Variants in FGF12 observed in about 807,000 individuals in gnomAD.
FGF12 encodes fibroblast growth factor 12B.
A neutral mutation model predicts 23.6 loss-of-function variants in FGF12; 14 were observed. The observed-to-expected ratio is 0.59, with a 90% CI of 0.39 to 0.93. The LOEUF (loss-of-function observed/expected upper bound fraction) is 0.93. FGF12 is among the 40% of genes least tolerant of loss of function. The pLI is 0.00. For synonymous variants in FGF12, 62 were observed against 77.3 expected (o/e 0.80, Z 1.04); for missense variants, 175 against 217.8 (o/e 0.80, Z 1.24).
chr3:192,334,862 T>A (rs946515109), intron 4 of FGF12, among the ~76,000 whole-genome samples: 2 of 152,154 alleles, frequency 1.3e-5, no homozygotes, highest in African/African-American at 4.8e-5. Context: ...ATATTGCCTT[T>A]AAATTAAAGT....
chr3:192,692,843 G>A (rs764916945), intron 2 of FGF12, among the ~76,000 whole-genome samples: 5 of 151,906 alleles, frequency 3.3e-5, no homozygotes, highest in Non-Finnish European at 7.4e-5. Flanking sequence ...AGCCATTTAT[G>A]AATAGTCTAC....
chr3:192,265,112 T>C (rs1712999106), intron 4 of FGF12: 1 of 152,184 alleles, frequency 6.6e-6, no homozygotes, highest in African/African-American at 2.4e-5. Context: ...CCTTGCTGTG[T>C]AAAGATTGAC....
chr3:192,557,300 C>A (rs1326263105), intron 2 of FGF12, among the ~76,000 whole-genome samples: 2 of 149,946 alleles, frequency 1.3e-5, no homozygotes, highest in African/African-American at 2.4e-5. Flanking sequence ...AAACCTTTAG[C>A]CAGAGTATGA....
chr3:192,559,921 T>A (rs1711941925), intron 2 of FGF12, among the ~76,000 whole-genome samples: 1 of 152,108 alleles, frequency 6.6e-6, no homozygotes, highest in African/African-American at 2.4e-5. Context: ...TATAGGACAC[T>A]ACTGCAACAA....
At chr3:192,517,799 G>C (rs1262385826) in intron 2 of FGF12, among the ~76,000 whole-genome samples, 1 of 152,000 alleles carries the variant, frequency 6.6e-6, no homozygotes, top group African/African-American at 2.4e-5. Context: ...TTTAAAAAAG[G>C]CTCTTACACT....
chr3:192,711,259 G>C (rs145402919), intron 2 of FGF12, among the ~76,000 whole-genome samples: 1 of 145,506 alleles, frequency 6.9e-6, no homozygotes, highest in Non-Finnish European at 1.5e-5. Context: ...GCCCCTGCCC[G>C]GCCAGCCGCC....
At chr3:192,364,922 T>A (rs985483777) in intron 2 of FGF12, among the ~76,000 whole-genome samples, 1 of 152,070 alleles carries the variant, frequency 6.6e-6, no homozygotes, top group African/African-American at 2.4e-5. Flanking sequence ...GCTAATATCA[T>A]CAATTATAAA....
chr3:192,292,702 A>G (rs1055351847), intron 4 of FGF12, among the ~76,000 whole-genome samples: 2 of 152,118 alleles, frequency 1.3e-5, no homozygotes, highest in Non-Finnish European at 2.9e-5. Flanking sequence ...CTCACTTTCT[A>G]TCTAAAACAT....
chr3:192,164,255 A>T (rs1416153560), intron 5 of FGF12, among the ~76,000 whole-genome samples: 1 of 152,214 alleles, frequency 6.6e-6, no homozygotes, highest in Admixed American at 6.5e-5. Flanking sequence ...CAATACTCTG[A>T]AAGGGCAGAA....
intron 2 of FGF12, among the ~76,000 whole-genome samples, chr3:192,709,941 G>A (rs1480752858): frequency 6.6e-6 from 1 of 152,208 alleles, no homozygotes; most frequent in East Asian, 1.9e-4. Context: ...ATGGCAATAT[G>A]CATGGCTCAG....
chr3:192,591,131 C>T (rs3913647), intron 2 of FGF12, among the ~76,000 whole-genome samples: 23,466 of 151,076 alleles, frequency 0.16, 2,620 homozygotes, highest in East Asian at 0.45. Context: ...GTGAAGAAGG[C>T]GGTATCTATG....
intron 2 of FGF12, among the ~76,000 whole-genome samples, chr3:192,598,564 A>G (rs749370353): frequency 4.0e-4 from 61 of 152,208 alleles, no homozygotes; most frequent in Non-Finnish European, 7.8e-4. Context: ...AGTGTTTCTC[A>G]AACACACATA....
At chr3:192,188,100 T>G (rs527710039) in intron 4 of FGF12, among the ~76,000 whole-genome samples, 1 of 152,318 alleles carries the variant, frequency 6.6e-6, no homozygotes, top group South Asian at 2.1e-4. Context: ...ATCAATGTAT[T>G]ATTTTATTAA....
At chr3:192,366,340 A>G (rs1221357524) in intron 2 of FGF12, among the ~76,000 whole-genome samples, 1 of 152,164 alleles carries the variant, frequency 6.6e-6, no homozygotes, top group East Asian at 1.9e-4. Flanking sequence ...ATATACCCAA[A>G]CTTTAGAGAA....
At chr3:192,597,965 C>T (rs1015286059) in intron 2 of FGF12, among the ~76,000 whole-genome samples, 5 of 152,224 alleles carry the variant, frequency 3.3e-5, no homozygotes, top group South Asian at 2.1e-4. Context: ...AAGTGGGTAA[C>T]GAAGGTTGGG....
chr3:192,259,698 A>G (rs1712620770), intron 4 of FGF12, among the ~76,000 whole-genome samples: 1 of 152,212 alleles, frequency 6.6e-6, no homozygotes, highest in Non-Finnish European at 1.5e-5. Context: ...AAGAAGAAAC[A>G]ATCAGAAATT....
intron 5 of FGF12, among the ~76,000 whole-genome samples, chr3:192,169,720 G>A (rs35310526): frequency 0.077 from 11,696 of 151,792 alleles, 554 homozygotes; most frequent in East Asian, 0.22. Context: ...TACTCAGCCT[G>A]TAGTAGAAAG....
chr3:192,266,029 A>T (rs986099101), intron 4 of FGF12, among the ~76,000 whole-genome samples: 1 of 152,172 alleles, frequency 6.6e-6, no homozygotes, highest in African/African-American at 2.4e-5. Flanking sequence ...AGCACTTAAT[A>T]AATTAATGTT....
chr3:192,281,691 A>T (rs1266300877), intron 4 of FGF12, among the ~76,000 whole-genome samples: 6 of 152,118 alleles, frequency 3.9e-5, no homozygotes, highest in Non-Finnish European at 7.4e-5. Flanking sequence ...GTTTTCAGCG[A>T]TCTCAAAGGA....
Sources: gnomAD v4.1 joint callset for allele counts (sites outside exome capture counted in the v4.1 genomes callset) on GRCh38, gnomAD v4.1.1 for gene constraint, MANE v1.5 for transcripts, NCBI Gene and HGNC (gene_info 2026-07-23, HGNC 2026-07-21) for gene names.